UGT1A10: variants seen among roughly 807,000 people sequenced by gnomAD.
UGT1A10 encodes the protein UDP-glucuronosyltransferase 1A10.
In UGT1A10, 49 loss-of-function variants were observed where a neutral mutation model predicts 45.8. The ratio of observed to expected loss-of-function variants is 1.07; its 90% CI spans 0.85 to 1.36. UGT1A10 has a LOEUF of 1.36. Ranked by LOEUF, UGT1A10 falls within the 40% of genes most tolerant of loss-of-function variation. UGT1A10 has a pLI of 0.00. For missense variants in UGT1A10, 745 were observed against 668.6 expected (o/e 1.11, Z -1.26); for synonymous variants, 284 against 249.7 (o/e 1.14, Z -1.29).
chr2:233,718,891 C>A (rs1334385335), intron 1 of UGT1A10: 1 of 1,613,996 alleles, frequency 6.2e-7, no homozygotes, highest in East Asian at 2.2e-5. Flanking sequence ...AGTGTCCAGC[C>A]CTGGGCTGAG....
At position 233,692,977 on chromosome 2, in the gene UGT1A10, T is replaced by A. The variant is rs748283571; in HGVS notation, c.855+55600T>A. The A allele has an allele frequency of 8.7e-6, 14 of 1,612,662 alleles. No homozygotes were observed. The East Asian group carries it at 3.1e-4, about 36-fold the overall frequency. On this transcript the variant is annotated intron_variant, in intron 1 of 4. Transcript: ENST00000344644. ...GATTTGGAGAGTGAAAACTCTTTAT[T>A]ACCGTTGTTACTTTAACTCTTTCCA...
chr2:233,671,123 A>G (rs937642400), intron 1 of UGT1A10, among the ~76,000 whole-genome samples: 2 of 152,216 alleles, frequency 1.3e-5, no homozygotes, highest in African/African-American at 4.8e-5. Context: ...CAGCAGACTG[A>G]GAGAGACAAG....
At chr2:233,693,818 G>A (rs766165182) in intron 1 of UGT1A10, 1 of 1,614,200 alleles carries the variant, frequency 6.2e-7, no homozygotes, top group East Asian at 2.2e-5. Context: ...GCCCAACATG[G>A]TCTTCATTGG....
chr2:233,769,458 C>G lies in UGT1A10; in HGVS notation c.1295+1019C>G, dbSNP rs896047328. On this transcript the variant is annotated intron_variant, in intron 4 of 4. Coordinates refer to ENST00000344644, the MANE Select transcript of UGT1A10 (RefSeq NM_019075.4). This position sits in a 1 kb window ranked among gnomAD's most constrained non-coding sequence, Gnocchi z 4.4. ...ATGTGTGGGTGCACACGTGTGCATTCATATGCGTGTGTGTGTGTGTGCGTG... is the reference window on the plus strand; with the variant it reads ...ATGTGTGGGTGCACACGTGTGCATTGATATGCGTGTGTGTGTGTGTGCGTG... The G allele has an allele frequency of 2.5e-6, 4 of 1,593,602 alleles. No individual in the cohort carries two copies. The African/African-American group carries it at 4.0e-5, about 16-fold the overall frequency.
At chr2:233,763,944 G>T (rs1331783792) in intron 1 of UGT1A10, among the ~76,000 whole-genome samples, 1 of 152,182 alleles carries the variant, frequency 6.6e-6, no homozygotes, top group South Asian at 2.1e-4. Flanking sequence ...AGGAAAGCTT[G>T]GGAGCAGGGA....
chr2:233,718,877 C>T, intron 1 of UGT1A10: 3 of 1,613,970 alleles, frequency 1.9e-6, no homozygotes, highest in Non-Finnish European at 2.5e-6. Context: ...TGCTGCTCCT[C>T]CTCAGTGTCC....
chr2:233,638,840 A>T lies in UGT1A10; in HGVS notation c.855+1463A>T, dbSNP rs148004825. 5.7e-3 allele frequency among the ~76,000 whole-genome samples: 875 copies of T among 152,340 alleles called. 9 individuals carry two copies. Among genetic ancestry groups the T allele is most frequent in the Admixed American group, 0.028 (424 of 15,304 alleles). The stretch of plus-strand genomic sequence containing the variant: ...TCTTTCTAAAAAGCAGGAAGACTAC[A>T]GTTGTAGGCCTTTCAAAATTAGGCA... On this transcript the variant is annotated intron_variant, in intron 1 of 4. Coordinates refer to ENST00000344644, the MANE Select transcript of UGT1A10 (RefSeq NM_019075.4).
At chr2:233,761,160 T>C (rs1333134836) in intron 1 of UGT1A10, 2 of 1,614,242 alleles carry the variant, frequency 1.2e-6, no homozygotes, top group Non-Finnish European at 8.5e-7. Flanking sequence ...AGGTGTGTAT[T>C]GGAGTGGGAC....
chr2:233,693,835 C>G lies in UGT1A10; in HGVS notation c.855+56458C>G, dbSNP rs764583792. ...CCAACATGGTCTTCATTGGAGGTAT[C>G]AACTGTAAGAAGAGGAAAGACTTGT... is the stretch of plus-strand genomic sequence containing the variant. On this transcript the variant is annotated intron_variant, in intron 1 of 4. Transcript: ENST00000344644. 8 of 1,614,056 alleles carry G rather than the reference C, an allele frequency of 5.0e-6. No homozygotes were observed. The East Asian group carries it at 1.6e-4, about 31-fold the overall frequency.
At chr2:233,638,270 C>A (rs1006405330) in intron 1 of UGT1A10, among the ~76,000 whole-genome samples, 25 of 152,096 alleles carry the variant, frequency 1.6e-4, no homozygotes, top group African/African-American at 5.6e-4. Flanking sequence ...TATTCCTTGG[C>A]ATTTTATTAC....
chr2:233,754,858 C>T lies in UGT1A10; in HGVS notation c.856-12176C>T, dbSNP rs759970086. 1.3e-5 allele frequency: 18 copies of T among 1,350,050 alleles called. No individual in the cohort carries two copies. In the African/African-American group the frequency reaches 2.1e-4, roughly 16 times the overall value. The allele number at this position is 1,350,050 out of a possible 1,614,324, so 83.6% of individuals were successfully genotyped here. ...TCACTGAAGGCAGAGAAAAGGGGTG[C>T]AGACCCTCTGCTTCTGCTTCCCAGG... On this transcript the variant is annotated intron_variant, in intron 1 of 4. Coordinates refer to ENST00000344644, the MANE Select transcript of UGT1A10 (RefSeq NM_019075.4).
chr2:233,672,281 T>G, intron 1 of UGT1A10: 1 of 1,613,842 alleles, frequency 6.2e-7, no homozygotes, highest in Non-Finnish European at 8.5e-7. Flanking sequence ...TACAATGACA[T>G]TTTTGACTTA....
chr2:233,690,590 A>G (rs1355612466), intron 1 of UGT1A10: 10 of 1,004,022 alleles, frequency 1.0e-5, no homozygotes, highest in East Asian at 7.1e-5. Flanking sequence ...ATCCCTGAGA[A>G]AAAAAAAAAA....
Position 233,636,891 on chromosome 2 carries a change from T to C in UGT1A10, c.369T>C (p.His123=). ...GTTTTCTTGACTTATTTTTTTCGCA[T>C]TGCAGGAGTTTGTTTAATGACCGAA... ...SSGFLDLFFS[H]CRSLFNDRKL... Residue 123 remains histidine, a synonymous_variant, in exon 1 of 5, where the codon CAT becomes CAC. Transcript: ENST00000344644. The C allele has an allele frequency of 6.2e-7, 1 of 1,614,160 alleles. No homozygotes were observed. The highest frequency in any genetic ancestry group is 8.5e-7 in the Non-Finnish European group (1 of 1,180,018).
intron 1 of UGT1A10, chr2:233,672,205 A>G (rs1340478059): frequency 1.9e-6 from 3 of 1,614,114 alleles, no homozygotes; most frequent in South Asian, 1.1e-5. Context: ...CCGGGAGTTC[A>G]AGGCTTTTGC....
rs111236822 is a variant in UGT1A10 at position 233,668,317 on chromosome 2, G to A, written c.855+30940G>A. The stretch of plus-strand genomic sequence containing the variant: ...GAGAACATGCAATGTTTGGTTTTCC[G>A]TCCTTGCGATAGTTTGCTCAGAATG... On this transcript the variant is annotated intron_variant, in intron 1 of 4. Coordinates refer to ENST00000344644, the MANE Select transcript of UGT1A10 (RefSeq NM_019075.4). Among the ~76,000 whole-genome samples, 758 of 152,084 alleles carry A rather than the reference G, an allele frequency of 5.0e-3. 6 individuals are homozygous for A. Among genetic ancestry groups the A allele is most frequent in the Non-Finnish European group, 7.2e-3 (490 of 68,020 alleles).
chr2:233,745,543 AC>A (rs1237157104), intron 1 of UGT1A10, among the ~76,000 whole-genome samples: 1 of 151,766 alleles, frequency 6.6e-6, no homozygotes, highest in Non-Finnish European at 1.5e-5. Flanking sequence ...TGTCACCAGA[AC>A]AAACTTCTAA....
At chr2:233,731,661 C>T (rs2078189507) in intron 1 of UGT1A10, among the ~76,000 whole-genome samples, 1 of 152,192 alleles carries the variant, frequency 6.6e-6, no homozygotes, top group South Asian at 2.1e-4. Flanking sequence ...ATATGTGCCA[C>T]ATTTTCTTAA....
chr2:233,688,641 G>A (rs941155352), intron 1 of UGT1A10, among the ~76,000 whole-genome samples: 2 of 152,082 alleles, frequency 1.3e-5, no homozygotes, highest in Admixed American at 1.3e-4. Context: ...GTTTTTGTTG[G>A]TGTTACAGAA....
Sources: allele counts gnomAD v4.1 joint callset (sites outside exome capture counted in the v4.1 genomes callset), GRCh38; gene constraint gnomAD v4.1.1; non-coding constraint Gnocchi (gnomAD v3.1); transcripts MANE v1.5; gene names NCBI Gene and HGNC (gene_info 2026-07-23, HGNC 2026-07-21).